MAST2: variants seen among roughly 807,000 people sequenced by gnomAD.
MAST2 encodes the protein microtubule-associated serine/threonine-protein kinase 2.
A neutral mutation model predicts 147.4 loss-of-function variants in MAST2; 70 were observed. The observed-to-expected ratio is 0.47, with a 90% CI of 0.39 to 0.58. The LOEUF is 0.58. MAST2 is among the 20% of genes least tolerant of loss of function. The pLI is 0.00. For synonymous variants in MAST2, 869 were observed against 896.8 expected (o/e 0.97, Z 0.55); for missense variants, 2,080 against 2,302.3 (o/e 0.90, Z 1.98).
chr1:45,966,672 A>C (rs1277308045), intron 5 of MAST2, among the ~76,000 whole-genome samples: 1 of 152,106 alleles, frequency 6.6e-6, no homozygotes, highest in Admixed American at 6.5e-5. Context: ...CAGTGAGCCA[A>C]GATTGTGCCA....
At chr1:45,959,257 A>G (rs1344606398) in intron 4 of MAST2, 129 bp from the exon 5 acceptor site, 1 of 618,996 alleles carries the variant, frequency 1.6e-6, no homozygotes, top group South Asian at 2.0e-5. Flanking sequence ...TTGCTGACCC[A>G]GTTCAGTTTA....
intron 3 of MAST2, among the ~76,000 whole-genome samples, chr1:45,864,490 A>G (rs1457144338): frequency 6.6e-6 from 1 of 152,184 alleles, no homozygotes; most frequent in Admixed American, 6.5e-5. Flanking sequence ...AGAATCTGAC[A>G]TTTGCTTTGT....
intron 15 of MAST2, among the ~76,000 whole-genome samples, chr1:46,025,167 A>C (rs1646350629): frequency 1.3e-5 from 2 of 152,054 alleles, no homozygotes; most frequent in African/African-American, 2.4e-5. Flanking sequence ...AAAAATGCAA[A>C]AATTAGCTGG....
intron 5 of MAST2, among the ~76,000 whole-genome samples, chr1:45,985,261 GT>G (rs1232993332): frequency 8.5e-4 from 121 of 143,112 alleles, no homozygotes; most frequent in East Asian, 1.2e-3. Flanking sequence ...GTGTGTGTGT[GT>G]TTTTTTTTTT....
intron 1 of MAST2, among the ~76,000 whole-genome samples, chr1:45,805,869 T>C (rs919094716): frequency 1.6e-4 from 25 of 152,220 alleles, no homozygotes; most frequent in African/African-American, 5.5e-4. Context: ...CAAACTACTT[T>C]GTTATCTCTT....
At chr1:45,916,754 T>G (rs1209172095) in intron 4 of MAST2, among the ~76,000 whole-genome samples, 1 of 152,210 alleles carries the variant, frequency 6.6e-6, no homozygotes, top group Admixed American at 6.5e-5. Flanking sequence ...GTAGTAAATT[T>G]GCAGTGTTTG....
At chr1:45,918,181 A>G (rs906279577) in intron 4 of MAST2, among the ~76,000 whole-genome samples, 1 of 152,214 alleles carries the variant, frequency 6.6e-6, no homozygotes, top group African/African-American at 2.4e-5. Context: ...CCAGGGCTTG[A>G]CATTTTATAT....
intron 3 of MAST2, among the ~76,000 whole-genome samples, chr1:45,854,055 C>T (rs912127228): frequency 5.9e-5 from 9 of 151,912 alleles, no homozygotes; most frequent in African/African-American, 1.7e-4. Flanking sequence ...TGGACATATT[C>T]AGGCCGGGCA....
chr1:45,842,577 A>G lies in MAST2; in HGVS notation c.468+12996A>G, dbSNP rs147612747. 4.4e-3 allele frequency among the ~76,000 whole-genome samples: 664 copies of G among 152,206 alleles called. 6 individuals are homozygous for G. Among genetic ancestry groups the G allele is most frequent in the African/African-American group, 0.015 (625 of 41,540 alleles). On this transcript the variant is annotated intron_variant, in intron 3 of 28. Transcript: ENST00000361297. ...ATATGTGACCTTCTGTATCTGGTTT[A>G]TTTCATTTAGCATAATGTTTGGATG...
chr1:46,025,974 C>T (rs886995643), intron 16 of MAST2, among the ~76,000 whole-genome samples, 159 bp downstream of exon 16: 1 of 152,168 alleles, frequency 6.6e-6, no homozygotes, highest in African/African-American at 2.4e-5. Flanking sequence ...CCCCCGACCA[C>T]CCCAGATGCA....
rs145431013 is a variant in MAST2 at position 45,871,852 on chromosome 1, A to G, written c.469-10512A>G. Among the ~76,000 whole-genome samples the G allele has an allele frequency of 2.7e-3, 406 of 152,304 alleles. 1 individual carries two copies. The highest frequency in any genetic ancestry group is 4.2e-3 in the Admixed American group (65 of 15,302). ...TGTGGGTTTAATTATGAGTTATATC[A>G]AGAGACATATAATATTTTAGTGGCA... On this transcript the variant is annotated intron_variant, in intron 3 of 28. Transcript: ENST00000361297.
Position 45,929,483 on chromosome 1 carries a change from C to T in MAST2, c.501-29903C>T, listed in dbSNP as rs180710147. Among the ~76,000 whole-genome samples the T allele has an allele frequency of 3.3e-3, 504 of 152,212 alleles. 8 individuals are homozygous for T. Among genetic ancestry groups the T allele is most frequent in the Non-Finnish European group, 1.2e-3 (85 of 68,018 alleles). ...AACCTTGGCTTCCTCTTCTGGCCCA[C>T]GTAGAAAGAGGAATTATCTGTAGTA... On this transcript the variant is annotated intron_variant, in intron 4 of 28. Transcript: ENST00000361297.
At chr1:46,013,876 G>C (rs1645819676) in intron 10 of MAST2, among the ~76,000 whole-genome samples, 1 of 152,086 alleles carries the variant, frequency 6.6e-6, no homozygotes, top group African/African-American at 2.4e-5. Flanking sequence ...TTGGGAACAG[G>C]AGACAGGTTT....
At chr1:45,838,515 G>T (rs970952745) in intron 3 of MAST2, among the ~76,000 whole-genome samples, 2 of 151,866 alleles carry the variant, frequency 1.3e-5, no homozygotes, top group African/African-American at 2.4e-5. Flanking sequence ...CAGCCAATGC[G>T]CCCAGTCAGC....
intron 4 of MAST2, among the ~76,000 whole-genome samples, chr1:45,923,474 T>C (rs1361508572): frequency 1.3e-5 from 2 of 152,228 alleles, no homozygotes; most frequent in African/African-American, 4.8e-5. Context: ...TTCTTAGCAC[T>C]TTAAAATGTA....
intron 1 of MAST2, among the ~76,000 whole-genome samples, chr1:45,818,743 T>C (rs528981969): frequency 1.3e-5 from 2 of 152,338 alleles, no homozygotes; most frequent in East Asian, 3.9e-4. Context: ...ACTGTACAGT[T>C]GTTAGCAGTT....
At chr1:45,992,612 C>G (rs1037384649) in intron 5 of MAST2, among the ~76,000 whole-genome samples, 2 of 152,046 alleles carry the variant, frequency 1.3e-5, no homozygotes, top group Non-Finnish European at 2.9e-5. Context: ...GAATTGGTAT[C>G]ATTTCTTCTA....
At chr1:45,829,792 T>TCCTATTGCCTCAA (rs556409212) in intron 3 of MAST2, among the ~76,000 whole-genome samples, 17 of 152,070 alleles carry the variant, frequency 1.1e-4, no homozygotes, top group South Asian at 2.1e-4. Flanking sequence ...GCTGTAGTAT[T>TCCTATTGCCTCAA]CCTATTGCCT....
chr1:45,889,900 C>T (rs908027482), intron 4 of MAST2, among the ~76,000 whole-genome samples: 24 of 152,010 alleles, frequency 1.6e-4, no homozygotes, highest in African/African-American at 5.1e-4. Context: ...ACTACAGGTG[C>T]GCTCCACCAC....
Sources: allele counts gnomAD v4.1 joint callset (sites outside exome capture counted in the v4.1 genomes callset), GRCh38; gene constraint gnomAD v4.1.1; transcripts MANE v1.5; gene names NCBI Gene and HGNC (gene_info 2026-07-23, HGNC 2026-07-21).